MYT1L: variants seen among roughly 807,000 people sequenced by gnomAD.
MYT1L encodes the protein myelin transcription factor 1-like protein.
Under a neutral mutation model 126.7 loss-of-function variants are expected in MYT1L, and 12 were observed. The ratio of observed to expected loss-of-function variants is 0.09; its 90% CI spans 0.06 to 0.15. The LOEUF is 0.15. Ranked by LOEUF, MYT1L falls within the 10% of genes least tolerant of loss-of-function variation. The pLI is 1.00. For synonymous variants in MYT1L, 541 were observed against 604.2 expected (o/e 0.90, Z 1.53); for missense variants, 979 against 1,585.2 (o/e 0.62, Z 6.49).
chr2:1,904,608 T>C (rs1049994705), intron 13 of MYT1L, among the ~76,000 whole-genome samples: 12 of 151,876 alleles, frequency 7.9e-5, no homozygotes, highest in East Asian at 1.9e-4. Context: ...TGACCTCAAG[T>C]TATCCACCCA....
At chr2:2,298,768 G>A (rs1355821402) in intron 1 of MYT1L, among the ~76,000 whole-genome samples, 3 of 152,202 alleles carry the variant, frequency 2.0e-5, no homozygotes, top group Non-Finnish European at 4.4e-5. Flanking sequence ...CCTCACTGAA[G>A]TTAGCCAGAG....
At chr2:2,116,250 T>C (rs960356556) in intron 3 of MYT1L, among the ~76,000 whole-genome samples, 14 of 152,222 alleles carry the variant, frequency 9.2e-5, no homozygotes, top group African/African-American at 3.4e-4. Context: ...ACGGGTCTCC[T>C]GTGACAAAGA....
At chr2:2,101,972 G>C (rs1353760636) in intron 3 of MYT1L, among the ~76,000 whole-genome samples, 1 of 152,182 alleles carries the variant, frequency 6.6e-6, no homozygotes, top group Non-Finnish European at 1.5e-5. Context: ...ACACTTCAGT[G>C]GTTTCTGATT....
At chr2:2,284,903 C>G (rs769400240) in intron 1 of MYT1L, among the ~76,000 whole-genome samples, 4 of 152,044 alleles carry the variant, frequency 2.6e-5, no homozygotes, top group Non-Finnish European at 4.4e-5. Context: ...GGGGTTTCAT[C>G]ATGTGCTATG....
Position 2,109,390 on chromosome 2 carries a change from G to A in MYT1L, c.-303-55267C>T, listed in dbSNP as rs912190695. Among the ~76,000 whole-genome samples, 4 of 152,262 alleles carry A rather than the reference G, an allele frequency of 2.6e-5. No homozygotes were observed. In the East Asian group the frequency reaches 5.8e-4, roughly 22 times the overall value. On this transcript the variant is annotated intron_variant, in intron 3 of 24. Transcript: ENST00000647738. ...TCCAGAGCTTCTGTTAGAGAACAGC[G>A]TGGGAAGGGGAGCCGGATGGGCGCC...
At chr2:1,869,097 C>G (rs1317557047) in intron 18 of MYT1L, among the ~76,000 whole-genome samples, 1 of 152,266 alleles carries the variant, frequency 6.6e-6, no homozygotes, top group Non-Finnish European at 1.5e-5. Context: ...ATGGTCTGTG[C>G]CTCACCGGTC....
At chr2:2,328,746 T>C (rs1366356165) in intron 1 of MYT1L, among the ~76,000 whole-genome samples, 1 of 152,224 alleles carries the variant, frequency 6.6e-6, no homozygotes, top group Non-Finnish European at 1.5e-5. Flanking sequence ...ATGTTTACAA[T>C]TTTCCAACCC....
Position 2,248,255 on chromosome 2 carries a change from T to C in MYT1L, c.-421+36149A>G, listed in dbSNP as rs115420818. On this transcript the variant is annotated intron_variant, in intron 2 of 24. Transcript: ENST00000647738. ...CATTAATGGCTACTATGAGCAACTATATACCAATAAATTGGAAAATCTAGA... is the reference window on the plus strand; with the variant it reads ...CATTAATGGCTACTATGAGCAACTACATACCAATAAATTGGAAAATCTAGA... Among the ~76,000 whole-genome samples the C allele has an allele frequency of 8.1e-3, 1,229 of 152,196 alleles. 14 individuals carry two copies. The highest frequency in any genetic ancestry group is 0.031 in the Middle Eastern group (9 of 294).
intron 2 of MYT1L, among the ~76,000 whole-genome samples, chr2:2,276,602 G>A (rs577863822): frequency 3.7e-4 from 57 of 152,198 alleles, no homozygotes; most frequent in African/African-American, 1.2e-3. Context: ...CTCTGCAAGC[G>A]CTAAGGCTGG....
chr2:1,937,743 T>C (rs1008261556), intron 9 of MYT1L, among the ~76,000 whole-genome samples: 3 of 151,916 alleles, frequency 2.0e-5, no homozygotes, highest in African/African-American at 4.8e-5. Context: ...AGCCATCAGA[T>C]GGCAAGTCGA....
rs377070649 is a variant in MYT1L at position 2,162,568 on chromosome 2, GT to G, written c.-304+10303del. On this transcript the variant is annotated intron_variant, in intron 3 of 24. Coordinates refer to ENST00000647738, the MANE Select transcript of MYT1L (RefSeq NM_001303052.2). ...CCAGTTTCCAGGGCAGTGGATTGGG[GT>G]CTGGATCTGACTCTGACTAAGGGAA... Among the ~76,000 whole-genome samples, 498 of 152,240 alleles carry G rather than the reference GT, an allele frequency of 3.3e-3. 1 individual carries two copies. The highest frequency in any genetic ancestry group is 0.011 in the African/African-American group (473 of 41,542).
chr2:2,022,933 T>A (rs929427063), intron 4 of MYT1L, among the ~76,000 whole-genome samples: 1 of 152,200 alleles, frequency 6.6e-6, no homozygotes, highest in Non-Finnish European at 1.5e-5. Flanking sequence ...GAGGCCAGCA[T>A]GTCAAATGTC....
At chr2:2,101,659 C>T (rs1191024869) in intron 3 of MYT1L, among the ~76,000 whole-genome samples, 1 of 151,866 alleles carries the variant, frequency 6.6e-6, no homozygotes, top group Non-Finnish European at 1.5e-5. Context: ...CCACCATCCA[C>T]CCATCCACTC....
chr2:2,065,503 T>A (rs1250886127), intron 3 of MYT1L, among the ~76,000 whole-genome samples: 1 of 152,112 alleles, frequency 6.6e-6, no homozygotes, highest in Non-Finnish European at 1.5e-5. Context: ...TCCTCATCAT[T>A]TTAAACTCTT....
At chr2:2,244,859 C>T (rs1016065393) in intron 2 of MYT1L, among the ~76,000 whole-genome samples, 2 of 152,224 alleles carry the variant, frequency 1.3e-5, no homozygotes, top group African/African-American at 4.8e-5. Context: ...AGCTCTCTAG[C>T]CAGCCACATC....
chr2:2,255,112 T>G (rs1319998527), intron 2 of MYT1L, among the ~76,000 whole-genome samples: 2 of 152,204 alleles, frequency 1.3e-5, no homozygotes, highest in Admixed American at 6.5e-5. Context: ...AAGAGATAAT[T>G]TTATAGAAAA....
Position 1,912,535 on chromosome 2 carries a change from C to T in MYT1L, c.1619-425G>A, listed in dbSNP as rs2052185935. Among the ~76,000 whole-genome samples, 1 of 152,168 alleles carries T rather than the reference C, an allele frequency of 6.6e-6. No individual in the cohort carries two copies. Among genetic ancestry groups the T allele is most frequent in the African/African-American group, 2.4e-5 (1 of 41,438 alleles). On this transcript the variant is annotated intron_variant, in intron 11 of 24. Coordinates refer to ENST00000647738, the MANE Select transcript of MYT1L (RefSeq NM_001303052.2). The surrounding 1 kb of genome is among the most constrained non-coding windows in gnomAD (Gnocchi z 4.3). ...GGAGTATTGATTAGCCATAGAACAA[C>T]ACAGAGGCTGGGGATTTTAAAAACA...
At chr2:2,173,837 C>T (rs1475584296) in intron 2 of MYT1L, among the ~76,000 whole-genome samples, 1 of 152,116 alleles carries the variant, frequency 6.6e-6, no homozygotes, top group Non-Finnish European at 1.5e-5. Context: ...TGAGGGGCTC[C>T]CCATGCTGTT....
intron 3 of MYT1L, among the ~76,000 whole-genome samples, chr2:2,169,515 A>G (rs372879902): frequency 1.3e-5 from 2 of 152,222 alleles, no homozygotes; most frequent in East Asian, 1.9e-4. Context: ...CATCTACGGC[A>G]TCGTTAACAT....
Sources: allele counts gnomAD v4.1 joint callset (sites outside exome capture counted in the v4.1 genomes callset), GRCh38; gene constraint gnomAD v4.1.1; non-coding constraint Gnocchi (gnomAD v3.1); transcripts MANE v1.5; gene names NCBI Gene and HGNC (gene_info 2026-07-23, HGNC 2026-07-21).